Variants in TLCD3A observed in about 807,000 individuals in gnomAD.
TLCD3A encodes the protein TLC domain containing 3A.
TLCD3A carries 17 observed loss-of-function variants against 29.9 expected under a neutral mutation model. That is an observed-to-expected ratio of 0.57 (90% CI 0.39 to 0.85). The LOEUF is 0.85. Ranked by LOEUF, TLCD3A falls within the 40% of genes least tolerant of loss-of-function variation. The pLI is 0.00. For synonymous variants in TLCD3A, 143 were observed against 147.7 expected (o/e 0.97, Z 0.23); for missense variants, 332 against 350.8 (o/e 0.95, Z 0.43).
chr17:739,526 G>A (rs1228659885), intron 3 of TLCD3A, among the ~76,000 whole-genome samples: 3 of 151,858 alleles, frequency 2.0e-5, no homozygotes, highest in Non-Finnish European at 4.4e-5. Flanking sequence ...ATAAAGAGAT[G>A]GGGGTCTCCT....
At chr17:741,255 C>T (rs1383716060) in intron 4 of TLCD3A, 46 bp from the exon 5 acceptor site, 1 of 1,605,478 alleles carries the variant, frequency 6.2e-7, no homozygotes, top group South Asian at 1.1e-5. Context: ...TCCCTGATGC[C>T]CAGCTTCTTG....
rs1242056290 is a variant in TLCD3A, at chr17:741,718, C to T, written c.*148C>T. On this transcript the variant is annotated 3_prime_UTR_variant, in exon 5 of 5. Coordinates refer to ENST00000308278, the MANE Select transcript of TLCD3A (RefSeq NM_024792.3). ...TTTCTAAAGAATATTCATATTACCT[C>T]CTTCTTCTAACTTGCCCTATTTGCA... The T allele has an allele frequency of 3.1e-6, 3 of 971,610 alleles. No individual in the cohort carries two copies. In the African/African-American group the frequency reaches 4.9e-5, roughly 16 times the overall value. The allele number at this position is 971,610 out of a possible 1,614,324, so 60.2% of individuals were successfully genotyped here.
chr17:732,864 G>A, intron 1 of TLCD3A, 95 bp downstream of exon 1: 1 of 1,364,846 alleles, frequency 7.3e-7, no homozygotes, highest in Non-Finnish European at 9.4e-7. Context: ...GGGGGCGGCA[G>A]GAAGCCCGGG....
At chr17:735,092 G>C (rs953413417) in intron 2 of TLCD3A, among the ~76,000 whole-genome samples, 6 of 151,948 alleles carry the variant, frequency 3.9e-5, no homozygotes, top group African/African-American at 1.2e-4. Context: ...GTGAGGTCTC[G>C]GCTCACTGCA....
In TLCD3A at chr17:737,983, G is replaced by T. The variant is rs780172107; in HGVS notation, c.344G>T (p.Ser115Ile). Reference sequence around the variant, plus strand: ...TCCCTCACTCTTCGAAACTTCCTAAGTCGAAACCGCCTCATGATCACACAT... The same window carrying T: ...TCCCTCACTCTTCGAAACTTCCTAATTCGAAACCGCCTCATGATCACACAT... ...APSLTLRNFL[S>I]RNRLMITHHA... Residue 115 changes from serine to isoleucine, a missense_variant, in exon 3 of 5, where the codon AGT (serine) becomes ATT (isoleucine). Physicochemically the swap from Ser to Ile is moderately radical, Grantham distance 142. Transcript: ENST00000308278. 6.2e-7 allele frequency: 1 copy of T among 1,613,532 alleles called. No individual in the cohort carries two copies. Among genetic ancestry groups the T allele is most frequent in the Admixed American group, 1.7e-5 (1 of 59,950 alleles).
rs2144122675 is a variant in TLCD3A at position 740,619 on chromosome 17, A to G, written c.504+19A>G. 1 of 1,600,676 alleles carries G rather than the reference A, an allele frequency of 6.2e-7. No individual in the cohort carries two copies. Among genetic ancestry groups the G allele is most frequent in the Non-Finnish European group, 8.6e-7 (1 of 1,168,974 alleles). On this transcript the variant is annotated intron_variant, in intron 4 of 4. Coordinates refer to ENST00000308278, the MANE Select transcript of TLCD3A (RefSeq NM_024792.3). ...GATTCAGGCATGTATGAATGAAATG[A>G]CAGAGAGTGTGAGGGTTCTGATTCA...
chr17:737,339 A>G (rs1250237131), intron 2 of TLCD3A, among the ~76,000 whole-genome samples: 1 of 152,180 alleles, frequency 6.6e-6, no homozygotes, highest in Admixed American at 6.5e-5. Context: ...GAAAATGGCC[A>G]GGGTTGCCTC....
In TLCD3A at chr17:741,375, C is replaced by G; in HGVS notation, c.579C>G (p.Ile193Met). 6.2e-7 allele frequency: 1 copy of G among 1,614,088 alleles called. No homozygotes were observed. Among genetic ancestry groups the G allele is most frequent in the Non-Finnish European group, 8.5e-7 (1 of 1,179,906 alleles). Residue 193 changes from isoleucine (I) to methionine (M), a missense_variant, in exon 5 of 5, where the codon ATC (isoleucine) becomes ATG (methionine). Transcript: ENST00000308278. Reference sequence around the variant, plus strand: ...TGGCCACCTTCCTTTCCTGCCGGATCCTTCTCTTCCCCTTCATGTACTGGT... The same window carrying G: ...TGGCCACCTTCCTTTCCTGCCGGATGCTTCTCTTCCCCTTCATGTACTGGT... Reference protein sequence around the residue: ...LTLATFLSCRILLFPFMYWSY... With the variant: ...LTLATFLSCRMLLFPFMYWSY...
intron 2 of TLCD3A, among the ~76,000 whole-genome samples, chr17:734,699 C>T (rs1157928950): frequency 2.0e-5 from 3 of 152,044 alleles, no homozygotes; most frequent in African/African-American, 4.8e-5. Context: ...ACATAGAATG[C>T]GATTAGATAG....
At chr17:737,765 A>G (rs757894647) in intron 2 of TLCD3A, 81 bp from the exon 3 acceptor site, 1 of 1,272,430 alleles carries the variant, frequency 7.9e-7, no homozygotes. Flanking sequence ...ATAATAGCTG[A>G]TCAAGCACCA....
At chr17:737,621 C>T (rs1444556623) in intron 2 of TLCD3A, among the ~76,000 whole-genome samples, 2 of 152,182 alleles carry the variant, frequency 1.3e-5, no homozygotes, top group African/African-American at 4.8e-5. Context: ...CAGCAAGCTG[C>T]TTCAACAGGC....
In TLCD3A at chr17:735,269, C is replaced by T. The variant is rs538796941; in HGVS notation, c.206+2088C>T. On this transcript the variant is annotated intron_variant, in intron 2 of 4. Coordinates refer to ENST00000308278, the MANE Select transcript of TLCD3A (RefSeq NM_024792.3). ...TCAGGTGATCCATCCGCCTCGGCCT[C>T]CCAAAATGCTGGGATTACAGGCATG... Among the ~76,000 whole-genome samples, 10 of 152,240 alleles carry T rather than the reference C, an allele frequency of 6.6e-5. No homozygotes were observed. In the South Asian group the frequency reaches 2.1e-3, roughly 32 times the overall value.
Position 742,086 on chromosome 17 carries a change from A to G in TLCD3A, c.*516A>G, listed in dbSNP as rs1438494602. 1.8e-5 allele frequency: 3 copies of G among 162,564 alleles called. 1 individual carries two copies. The highest frequency in any genetic ancestry group is 4.0e-5 in the Non-Finnish European group (3 of 74,510). 10.1% of individuals were successfully genotyped at this position (162,564 alleles called of 1,614,324 possible). A position where few individuals can be genotyped will look rare whatever the true frequency, so the allele number is the denominator to read the frequency against. Reference sequence around the variant, plus strand: ...TTATTGATCGTTTACTAGATAACCCATTGGTTCTTTGCCTCATCCTCTCAT... The same window carrying G: ...TTATTGATCGTTTACTAGATAACCCGTTGGTTCTTTGCCTCATCCTCTCAT... On this transcript the variant is annotated 3_prime_UTR_variant, in exon 5 of 5. Transcript: ENST00000308278.
chr17:737,877 C>A lies in TLCD3A; in HGVS notation c.238C>A (p.Leu80Met), dbSNP rs373697607. 1.9e-6 allele frequency: 3 copies of A among 1,614,154 alleles called. No individual in the cohort carries two copies. The highest frequency in any genetic ancestry group is 2.5e-6 in the Non-Finnish European group (3 of 1,180,034). The change falls in exon 3 of 5, where the codon CTG (leucine) becomes ATG (methionine). Residue 80 changes from leucine to methionine, a missense_variant. Leu to Met is a conservative substitution (Grantham distance 15, BLOSUM62 2). Coordinates refer to ENST00000308278, the MANE Select transcript of TLCD3A (RefSeq NM_024792.3). ...GCTTGCCCGGGAATATGTGTGGTTT[C>A]TGATTCCATACATGATCTATGACTC... ...HWLAREYVWF[L>M]IPYMIYDSYA...
rs533231896 is a variant in TLCD3A at position 732,596 on chromosome 17, G to T, written c.-52G>T. ...TCGCGCGGCCGGGCCGGGGCGCGCC[G>T]AGCCGAACCCAGCCACGCGGCGCCA... On this transcript the variant is annotated 5_prime_UTR_variant, in exon 1 of 5. Coordinates refer to ENST00000308278, the MANE Select transcript of TLCD3A (RefSeq NM_024792.3). 5.1e-6 allele frequency: 6 copies of T among 1,166,442 alleles called. No homozygotes were observed. The highest frequency in any genetic ancestry group is 6.4e-6 in the Non-Finnish European group (6 of 942,388). The allele number at this position is 1,166,442 out of a possible 1,614,324, so 72.3% of individuals were successfully genotyped here.
rs538574393 is a variant in TLCD3A, at chr17:737,213, T to C, written c.207-633T>C. Among the ~76,000 whole-genome samples the C allele has an allele frequency of 6.2e-4, 94 of 151,740 alleles. No homozygotes were observed. The South Asian group carries it at 6.5e-3, about 10-fold the overall frequency. ...TTTTAGTAGAGACGGGGTTTCGCCATGTTGGCCAGGCTGATCTTGAACTCC... is the reference window on the plus strand; with the variant it reads ...TTTTAGTAGAGACGGGGTTTCGCCACGTTGGCCAGGCTGATCTTGAACTCC... On this transcript the variant is annotated intron_variant, in intron 2 of 4. Coordinates refer to ENST00000308278, the MANE Select transcript of TLCD3A (RefSeq NM_024792.3).
Position 741,645 on chromosome 17 carries a change from C to T in TLCD3A, c.*75C>T. 1 of 1,541,850 alleles carries T rather than the reference C, an allele frequency of 6.5e-7. No individual in the cohort carries two copies. Among genetic ancestry groups the T allele is most frequent in the Non-Finnish European group, 8.8e-7 (1 of 1,139,460 alleles). On this transcript the variant is annotated 3_prime_UTR_variant, in exon 5 of 5. Coordinates refer to ENST00000308278, the MANE Select transcript of TLCD3A (RefSeq NM_024792.3). ...AGCATTCCATGGACCAAATTGTGCC[C>T]TGGGTAGCCTCAGACTTTGGGTATT... is the stretch of plus-strand genomic sequence containing the variant.
At chr17:736,090 C>T (rs750222470) in intron 2 of TLCD3A, among the ~76,000 whole-genome samples, 2 of 151,762 alleles carry the variant, frequency 1.3e-5, no homozygotes, top group Admixed American at 6.6e-5. Flanking sequence ...TTATTTACGC[C>T]GTGGTAAGTG....
chr17:733,874 C>A (rs1478901899), intron 2 of TLCD3A, among the ~76,000 whole-genome samples: 1 of 152,190 alleles, frequency 6.6e-6, no homozygotes, highest in African/African-American at 2.4e-5. Flanking sequence ...GTTGAAGGAC[C>A]ACAGTCGGAT....
Sources: gnomAD v4.1 joint callset for allele counts (sites outside exome capture counted in the v4.1 genomes callset) on GRCh38, gnomAD v4.1.1 for gene constraint, MANE v1.5 for transcripts, NCBI Gene and HGNC (gene_info 2026-07-23, HGNC 2026-07-21) for gene names.